The following KLHL1 variants were observed in gnomAD, a reference collection of about 807,000 sequenced individuals.
KLHL1 encodes the protein kelch-like protein 1.
Under a neutral mutation model 77.7 loss-of-function variants are expected in KLHL1, and 47 were observed. The ratio of observed to expected loss-of-function variants is 0.60; its 90% CI spans 0.48 to 0.77. The LOEUF is 0.77. Ranked by LOEUF, KLHL1 falls within the 30% of genes least tolerant of loss-of-function variation. The pLI is 0.00. For synonymous variants in KLHL1, 360 were observed against 325.2 expected, an observed-to-expected ratio of 1.11 and a Z score of -1.15; for missense variants, 925 against 910.8, an observed-to-expected ratio of 1.02 and a Z score of -0.20.
chr13:70,026,263 A>AT (rs972152910), intron 1 of KLHL1, among the ~76,000 whole-genome samples: 4 of 152,086 alleles, frequency 2.6e-5, no homozygotes, highest in Admixed American at 6.6e-5. Context: ...TTTATAACTG[A>AT]TTTTTTTAAA....
chr13:69,974,226 A>G lies in KLHL1; in HGVS notation c.680+1394T>C, dbSNP rs183665406. On this transcript the variant is annotated intron_variant, in intron 2 of 10. Transcript: ENST00000377844. ...TCGTATCCTACTTAAGAAACACATC[A>G]ATGATTGATAATAATGTATTTAGTT... Among the ~76,000 whole-genome samples, 515 of 151,632 alleles carry G rather than the reference A, an allele frequency of 3.4e-3. 5 individuals are homozygous for G. The Middle Eastern group carries it at 0.044, about 13-fold the overall frequency.
chr13:70,106,792 T>C (rs1471313480), intron 1 of KLHL1, among the ~76,000 whole-genome samples: 1 of 152,136 alleles, frequency 6.6e-6, no homozygotes, highest in African/African-American at 2.4e-5. Flanking sequence ...ATATGCTAAG[T>C]CAGTTACTAG....
chr13:69,962,401 A>T (rs1487479518), intron 2 of KLHL1, among the ~76,000 whole-genome samples: 1 of 152,032 alleles, frequency 6.6e-6, no homozygotes, highest in Admixed American at 6.6e-5. Context: ...ATCATCTGCA[A>T]GTTATATTCT....
At chr13:69,954,800 TACAC>T (rs34668618) in intron 3 of KLHL1, among the ~76,000 whole-genome samples, 1 of 149,466 alleles carries the variant, frequency 6.7e-6, no homozygotes, top group South Asian at 2.1e-4. Context: ...CTAAATGTTT[TACAC>T]ACACACACAC....
intron 6 of KLHL1, among the ~76,000 whole-genome samples, chr13:69,816,696 C>T (rs1174127011): frequency 6.6e-6 from 1 of 152,114 alleles, no homozygotes; most frequent in Non-Finnish European, 1.5e-5. Context: ...AACAAAGAGA[C>T]TTTTAAAAAG....
At chr13:69,767,467 T>G (rs1875362200) in intron 7 of KLHL1, among the ~76,000 whole-genome samples, 1 of 151,930 alleles carries the variant, frequency 6.6e-6, no homozygotes, top group African/African-American at 2.4e-5. Flanking sequence ...GAGGCTGAGG[T>G]GGGAGAATGG....
At chr13:69,769,098 C>T (rs1344369805) in intron 7 of KLHL1, among the ~76,000 whole-genome samples, 1 of 152,102 alleles carries the variant, frequency 6.6e-6, no homozygotes, top group Non-Finnish European at 1.5e-5. Context: ...CTATAACATA[C>T]CCACTATGTA....
At chr13:70,001,943 T>G (rs1391376800) in intron 1 of KLHL1, among the ~76,000 whole-genome samples, 1 of 151,582 alleles carries the variant, frequency 6.6e-6, no homozygotes. Flanking sequence ...AGAGCTGGCA[T>G]TCTACTGAGA....
chr13:69,719,183 CGTGT>C lies in KLHL1; in HGVS notation c.2015+182_2015+185del, dbSNP rs761517378. 2.0e-4 allele frequency among the ~76,000 whole-genome samples: 21 copies of C among 103,884 alleles called. 1 individual carries two copies. The highest frequency in any genetic ancestry group is 5.9e-4 in the African/African-American group (19 of 32,254). The allele number at this position is 103,884 out of a possible 152,430, so 68.2% of individuals were successfully genotyped here. On this transcript the variant is annotated intron_variant, in intron 9 of 10. Coordinates refer to ENST00000377844, the MANE Select transcript of KLHL1 (RefSeq NM_020866.3). ...AAGAATAAGAAAATAAAAGAAAGTA[CGTGT>C]GTGTGTGTGTGTGTGTGTGTGTGAG...
chr13:70,106,885 C>T (rs1888072024), intron 1 of KLHL1, among the ~76,000 whole-genome samples: 1 of 151,984 alleles, frequency 6.6e-6, no homozygotes, highest in Non-Finnish European at 1.5e-5. Flanking sequence ...AATTTAATGA[C>T]GGTAGATGAC....
In KLHL1 at chr13:70,014,694, G is replaced by T. The variant is rs73514793; in HGVS notation, c.498-38892C>A. Among the ~76,000 whole-genome samples the T allele has an allele frequency of 7.3e-3, 1,109 of 152,188 alleles. 15 individuals carry two copies. The highest frequency in any genetic ancestry group is 0.026 in the African/African-American group (1,072 of 41,544). ...TTTATGTAATATCAATGTACTTAAAGAATTGCACTTATAATAATGTAGTAT... is the reference window on the plus strand; with the variant it reads ...TTTATGTAATATCAATGTACTTAAATAATTGCACTTATAATAATGTAGTAT... On this transcript the variant is annotated intron_variant, in intron 1 of 10. Transcript: ENST00000377844.
chr13:69,717,128 C>T (rs988570718), intron 9 of KLHL1, among the ~76,000 whole-genome samples: 5 of 152,052 alleles, frequency 3.3e-5, no homozygotes, highest in Non-Finnish European at 7.4e-5. Context: ...GTATTTAACA[C>T]CACCATTATA....
chr13:69,975,790 G>A lies in KLHL1; in HGVS notation c.510C>T (p.Thr170=), dbSNP rs369830875. The change falls in exon 2 of 11, where the codon ACC becomes ACT. Residue 170 remains threonine (T), a synonymous_variant. Coordinates refer to ENST00000377844, the MANE Select transcript of KLHL1 (RefSeq NM_020866.3). ...GEGCGHRLSS[T]GHSMTPQSDL... ...CACTTTGAGGTGTCATTGAATGGCC[G>A]GTTGATGACAGCCTATAAACCACAC... The A allele has an allele frequency of 1.2e-5, 20 of 1,606,430 alleles. No homozygotes were observed. The highest frequency in any genetic ancestry group is 1.2e-4 in the South Asian group (11 of 90,174).
chr13:69,742,247 T>C (rs1874018476), intron 7 of KLHL1, among the ~76,000 whole-genome samples: 1 of 152,172 alleles, frequency 6.6e-6, no homozygotes, highest in Non-Finnish European at 1.5e-5. Context: ...GGGAAGGAGA[T>C]ATTATCTTTA....
intron 6 of KLHL1, among the ~76,000 whole-genome samples, chr13:69,825,095 T>A (rs890366841): frequency 3.9e-5 from 6 of 152,142 alleles, no homozygotes; most frequent in Non-Finnish European, 8.8e-5. Flanking sequence ...TAGATGAGAA[T>A]ATGGATGTTA....
intron 6 of KLHL1, among the ~76,000 whole-genome samples, chr13:69,813,098 G>C (rs1422938968): frequency 1.3e-5 from 2 of 151,954 alleles, no homozygotes; most frequent in Admixed American, 1.3e-4. Context: ...TGATAGACTG[G>C]ATTAAGAAAA....
chr13:70,083,833 ACAC>A (rs541401172), intron 1 of KLHL1, among the ~76,000 whole-genome samples: 72 of 152,254 alleles, frequency 4.7e-4, no homozygotes, highest in African/African-American at 7.7e-4. Flanking sequence ...ATATATTTAA[ACAC>A]CACATTATAC....
At chr13:69,722,117 T>C (rs1873091926) in intron 8 of KLHL1, among the ~76,000 whole-genome samples, 1 of 152,046 alleles carries the variant, frequency 6.6e-6, no homozygotes, top group Non-Finnish European at 1.5e-5. Flanking sequence ...CTAGCACAGC[T>C]CTCGTACATA....
At chr13:69,834,082 G>C (rs1322836515) in intron 6 of KLHL1, among the ~76,000 whole-genome samples, 1 of 151,886 alleles carries the variant, frequency 6.6e-6, no homozygotes, top group African/African-American at 2.4e-5. Context: ...GGGGACTTGA[G>C]GGGAGGGATG....
Sources: gnomAD v4.1 joint callset for allele counts (sites outside exome capture counted in the v4.1 genomes callset) on GRCh38, gnomAD v4.1.1 for gene constraint, MANE v1.5 for transcripts, NCBI Gene and HGNC (gene_info 2026-07-23, HGNC 2026-07-21) for gene names.